VPS33B: variants seen among roughly 807,000 people sequenced by gnomAD.
The protein encoded by VPS33B is vacuolar protein sorting-associated protein 33B.
In VPS33B, 80 loss-of-function variants were observed where a neutral mutation model predicts 95.3. That is an observed-to-expected ratio of 0.84 (90% CI 0.70 to 1.01). The LOEUF is 1.01. Among genes scored for constraint, VPS33B ranks in the 50% least tolerant of loss-of-function variants. The probability of loss-of-function intolerance (pLI) is 0.00; values close to 1 mark genes in which losing one functional copy is unlikely to be tolerated. For missense variants in VPS33B, 715 were observed against 773.4 expected (o/e 0.92, Z 0.90); for synonymous variants, 280 against 280.4 (o/e 1.00, Z 0.01).
At chr15:91,008,636 C>T (rs954948556) in intron 6 of VPS33B, among the ~76,000 whole-genome samples, 5 of 152,184 alleles carry the variant, frequency 3.3e-5, no homozygotes, top group Non-Finnish European at 5.9e-5. Flanking sequence ...ACCAGAGATA[C>T]AGCAGTGAGC....
rs1189384529 is a variant in VPS33B, at chr15:91,011,236, AAT to A, written c.358-1392_358-1391del. ...AATGCTGAGGGCACTCACATCTGAT[AAT>A]GAGTTGACATTATTAACAGCTAATG... On this transcript the variant is annotated intron_variant, in intron 5 of 22. Coordinates refer to ENST00000333371, the MANE Select transcript of VPS33B (RefSeq NM_018668.5). This position sits in a 1 kb window ranked among gnomAD's most constrained non-coding sequence, Gnocchi z 5.5. Among the ~76,000 whole-genome samples, 8 of 152,236 alleles carry A rather than the reference AAT, an allele frequency of 5.3e-5. No homozygotes were observed. Among genetic ancestry groups the A allele is most frequent in the Non-Finnish European group, 1.2e-4 (8 of 68,044 alleles).
rs1309704623 is a variant in VPS33B at position 91,013,259 on chromosome 15, C to T, written c.357+545G>A. 6.6e-6 allele frequency among the ~76,000 whole-genome samples: 1 copy of T among 152,200 alleles called. No homozygotes were observed. Among genetic ancestry groups the T allele is most frequent in the Non-Finnish European group, 1.5e-5 (1 of 68,040 alleles). On this transcript the variant is annotated intron_variant, in intron 5 of 22. Transcript: ENST00000333371. The surrounding 1 kb of genome is among the most constrained non-coding windows in gnomAD (Gnocchi z 4.5). ...ATTTGGGACAGTATGATGACAGACCCTCTGCTAAACAAATGAGGATATGTT... is the reference window on the plus strand; with the variant it reads ...ATTTGGGACAGTATGATGACAGACCTTCTGCTAAACAAATGAGGATATGTT...
Position 91,006,989 on chromosome 15 carries a change from G to A in VPS33B, c.661C>T (p.Arg221Ter), listed in dbSNP as rs1596357951. ...EEEEDGETKG[R>*]RPEIGHIFLL... ...AAGATATGTCCAATCTCTGGCCTTC[G>A]GCCCTTGGTTTCGCCATCCTCCTCC... Residue 221 changes from arginine (R) to a stop codon, truncating the protein, a stop_gained, in exon 9 of 23, where the codon CGA becomes TGA. Transcript: ENST00000333371. LOFTEE classifies it high-confidence loss of function. This position sits in a 1 kb window ranked among gnomAD's most constrained non-coding sequence, Gnocchi z 5.4. 1 of 1,613,864 alleles carries A rather than the reference G, an allele frequency of 6.2e-7. No individual in the cohort carries two copies. The highest frequency in any genetic ancestry group is 8.5e-7 in the Non-Finnish European group (1 of 1,179,996).
In VPS33B at chr15:91,022,469, C is replaced by A. The variant is rs1366786439; in HGVS notation, c.-220G>T. On this transcript the variant is annotated 5_prime_UTR_variant, in exon 1 of 23. Coordinates refer to ENST00000333371, the MANE Select transcript of VPS33B (RefSeq NM_018668.5). ...GAGCAGCCTTGTCTCAGACCTGCAG[C>A]CACCGTGTCTCGACCCTCCCTCCCT... The A allele has an allele frequency of 8.2e-6, 4 of 488,520 alleles. No homozygotes were observed. The highest frequency in any genetic ancestry group is 1.5e-5 in the Non-Finnish European group (4 of 271,518). 30.3% of individuals were successfully genotyped at this position (488,520 alleles called of 1,614,324 possible).
Position 91,009,826 on chromosome 15 carries a change from C to A in VPS33B, c.378G>T (p.Val126=). The A allele has an allele frequency of 6.2e-7, 1 of 1,614,190 alleles. No homozygotes were observed. Among genetic ancestry groups the A allele is most frequent in the Non-Finnish European group, 8.5e-7 (1 of 1,180,022 alleles). The change falls in exon 6 of 23, where the codon GTG becomes GTT. Residue 126 remains valine (V), a synonymous_variant. Coordinates refer to ENST00000333371, the MANE Select transcript of VPS33B (RefSeq NM_018668.5). The surrounding 1 kb of genome is among the most constrained non-coding windows in gnomAD (Gnocchi z 4.1). The stretch of plus-strand genomic sequence containing the variant: ...CTCCATAGATTCCCTCTTCCTCAAG[C>A]ACCATCTCACACGCATAGAACTGAA... ...SPQKFYACEM[V]LEEEGIYGDV...
Position 91,000,057 on chromosome 15 carries a change from C to G in VPS33B, c.1582-82G>C. ...GAAGGGCACAGCAGCCAGACTGTCA[C>G]ATTTCTTGCTCATTACTCAAGTAGC... is the stretch of plus-strand genomic sequence containing the variant. On this transcript the variant is annotated intron_variant, in intron 20 of 22. Coordinates refer to ENST00000333371, the MANE Select transcript of VPS33B (RefSeq NM_018668.5). The surrounding 1 kb of genome is among the most constrained non-coding windows in gnomAD (Gnocchi z 4.9). 2 of 1,546,650 alleles carry G rather than the reference C, an allele frequency of 1.3e-6. No individual in the cohort carries two copies. Among genetic ancestry groups the G allele is most frequent in the East Asian group, 2.3e-5 (1 of 43,256 alleles).
In VPS33B at chr15:91,005,342, A is replaced by G. The variant is rs1258224910; in HGVS notation, c.1105+38T>C. ...ACGGGGCTGGGAGCTGGGGAAGTAG[A>G]AGCGTGGGCAGTAGCACAGCAAGGC... On this transcript the variant is annotated intron_variant, in intron 14 of 22. Transcript: ENST00000333371. This position sits in a 1 kb window ranked among gnomAD's most constrained non-coding sequence, Gnocchi z 6.4. The G allele has an allele frequency of 5.0e-6, 8 of 1,614,006 alleles. No homozygotes were observed. In the African/African-American group the frequency reaches 1.1e-4, roughly 22 times the overall value.
Position 91,007,969 on chromosome 15 carries a change from G to A in VPS33B, c.404-5C>T, listed in dbSNP as rs2040663490. On this transcript the variant is annotated splice_region_variant and splice_polypyrimidine_tract_variant and intron_variant, in intron 6 of 22. Coordinates refer to ENST00000333371, the MANE Select transcript of VPS33B (RefSeq NM_018668.5). The surrounding 1 kb of genome is among the most constrained non-coding windows in gnomAD (Gnocchi z 5.3). ...CCCATTCATCACAGCTCACATCTGTGGGGACAGAGAGCATCAGCCTCCCTG... is the reference window on the plus strand; with the variant it reads ...CCCATTCATCACAGCTCACATCTGTAGGGACAGAGAGCATCAGCCTCCCTG... 6.2e-7 allele frequency: 1 copy of A among 1,614,062 alleles called. No individual in the cohort carries two copies. Among genetic ancestry groups the A allele is most frequent in the East Asian group, 2.2e-5 (1 of 44,878 alleles).
chr15:91,001,053 T>G, intron 19 of VPS33B: 1 of 368,058 alleles, frequency 2.7e-6, no homozygotes, highest in Non-Finnish European at 5.2e-6. Flanking sequence ...CAGTGGCTCA[T>G]GCCTGTAATC....
chr15:91,005,019 G>A lies in VPS33B; in HGVS notation c.1170+36C>T. 6.2e-7 allele frequency: 1 copy of A among 1,614,186 alleles called. No homozygotes were observed. Among genetic ancestry groups the A allele is most frequent in the Non-Finnish European group, 8.5e-7 (1 of 1,180,046 alleles). On this transcript the variant is annotated intron_variant, in intron 15 of 22. Coordinates refer to ENST00000333371, the MANE Select transcript of VPS33B (RefSeq NM_018668.5). This position sits in a 1 kb window ranked among gnomAD's most constrained non-coding sequence, Gnocchi z 6.4. ...CTTAAGGCCGACCCCACCTCTAAAT[G>A]CCATTCTTGGCACCCCCAGCCCTCC...
chr15:91,011,151 G>A lies in VPS33B; in HGVS notation c.358-1305C>T, dbSNP rs1050018483. Among the ~76,000 whole-genome samples the A allele has an allele frequency of 3.3e-5, 5 of 152,326 alleles. No individual in the cohort carries two copies. Among genetic ancestry groups the A allele is most frequent in the Admixed American group, 2.6e-4 (4 of 15,296 alleles). Reference sequence around the variant, plus strand: ...CTCATCTTAGGAGGGAAAAGGCCACGATCTCTTCCTCCTTTGAGGTAAGTG... The same window carrying A: ...CTCATCTTAGGAGGGAAAAGGCCACAATCTCTTCCTCCTTTGAGGTAAGTG... On this transcript the variant is annotated intron_variant, in intron 5 of 22. Coordinates refer to ENST00000333371, the MANE Select transcript of VPS33B (RefSeq NM_018668.5). The surrounding 1 kb of genome is among the most constrained non-coding windows in gnomAD (Gnocchi z 5.5).
Position 91,018,688 on chromosome 15 carries a change from G to A in VPS33B, c.97-803C>T, listed in dbSNP as rs1567230458. ...TTTTACTGGCATCTTGTGGGTAGAG[G>A]CCAGGGGTGCTGCTAGACATCCAAC... On this transcript the variant is annotated intron_variant, in intron 1 of 22. Coordinates refer to ENST00000333371, the MANE Select transcript of VPS33B (RefSeq NM_018668.5). This position sits in a 1 kb window ranked among gnomAD's most constrained non-coding sequence, Gnocchi z 4.7. 2.6e-5 allele frequency among the ~76,000 whole-genome samples: 4 copies of A among 152,268 alleles called. No individual in the cohort carries two copies. Among genetic ancestry groups the A allele is most frequent in the Admixed American group, 2.0e-4 (3 of 15,290 alleles).
chr15:91,000,955 A>G lies in VPS33B; in HGVS notation c.1480-364T>C, dbSNP rs16945157. On this transcript the variant is annotated intron_variant, in intron 19 of 22. Transcript: ENST00000333371. This position sits in a 1 kb window ranked among gnomAD's most constrained non-coding sequence, Gnocchi z 4.9. ...ATTAAATGAATGAATCTACCATGCT[A>G]TAAGACTACCAAACAAAAGAATCTT... The G allele has an allele frequency of 0.096, 34,993 of 365,400 alleles. 1,938 individuals carry two copies. Among genetic ancestry groups the G allele is most frequent in the African/African-American group, 0.14 (6,851 of 47,658 alleles). The allele number at this position is 365,400 out of a possible 1,614,324, so 22.6% of individuals were successfully genotyped here. A position where few individuals can be genotyped will look rare whatever the true frequency, so the allele number is the denominator to read the frequency against.
chr15:91,010,431 T>C lies in VPS33B; in HGVS notation c.358-585A>G, dbSNP rs532449544. Among the ~76,000 whole-genome samples the C allele has an allele frequency of 6.6e-6, 1 of 152,174 alleles. No individual in the cohort carries two copies. Among genetic ancestry groups the C allele is most frequent in the East Asian group, 1.9e-4 (1 of 5,182 alleles). ...GTCTGGGCAACATAGTGACACCCCA[T>C]CTCTACAAAACAATGCAAAAATTAG... On this transcript the variant is annotated intron_variant, in intron 5 of 22. Coordinates refer to ENST00000333371, the MANE Select transcript of VPS33B (RefSeq NM_018668.5). This position sits in a 1 kb window ranked among gnomAD's most constrained non-coding sequence, Gnocchi z 5.7.
Position 90,999,609 on chromosome 15 carries a change from G to T in VPS33B, c.1774+68C>A. On this transcript the variant is annotated intron_variant, in intron 22 of 22. Transcript: ENST00000333371. This position sits in a 1 kb window ranked among gnomAD's most constrained non-coding sequence, Gnocchi z 5.1. ...GCTGAGATTACAGGTATGAACCACC[G>T]TGCCCAGCTGACACTTTGTTACCCA... is the stretch of plus-strand genomic sequence containing the variant. 1 of 1,532,850 alleles carries T rather than the reference G, an allele frequency of 6.5e-7. No homozygotes were observed. Among genetic ancestry groups the T allele is most frequent in the Non-Finnish European group, 9.0e-7 (1 of 1,108,868 alleles). The allele number at this position is 1,532,850 out of a possible 1,614,324, so 95.0% of individuals were successfully genotyped here.
rs2040704557 is a variant in VPS33B at position 91,009,226 on chromosome 15, G to A, written c.403+575C>T. The stretch of plus-strand genomic sequence containing the variant: ...GTTCCTTTCATACTACCCCAGGAGT[G>A]TTCTTTTCTTATCCTTTCTTTTCCC... On this transcript the variant is annotated intron_variant, in intron 6 of 22. Coordinates refer to ENST00000333371, the MANE Select transcript of VPS33B (RefSeq NM_018668.5). This position sits in a 1 kb window ranked among gnomAD's most constrained non-coding sequence, Gnocchi z 4.1. 6.6e-6 allele frequency among the ~76,000 whole-genome samples: 1 copy of A among 151,996 alleles called. No individual in the cohort carries two copies. The highest frequency in any genetic ancestry group is 1.5e-5 in the Non-Finnish European group (1 of 67,954).
chr15:91,014,007 C>G, intron 4 of VPS33B, 136 bp from the exon 5 acceptor site: 1 of 1,046,670 alleles, frequency 9.6e-7, no homozygotes, highest in Non-Finnish European at 1.5e-6. Flanking sequence ...CACCTGAGGT[C>G]AGGAGTTTGC....
At position 91,002,274 on chromosome 15, in the gene VPS33B, C is replaced by T; in HGVS notation, c.1273-92G>A. On this transcript the variant is annotated intron_variant, in intron 17 of 22. Transcript: ENST00000333371. The surrounding 1 kb of genome is among the most constrained non-coding windows in gnomAD (Gnocchi z 4.7). Reference sequence around the variant, plus strand: ...AGAGTTGAGCAGAAGGACTATGAAGCCTCTGCTGCAGTGTGAAGGAGCTCA... The same window carrying T: ...AGAGTTGAGCAGAAGGACTATGAAGTCTCTGCTGCAGTGTGAAGGAGCTCA... 6 of 1,553,460 alleles carry T rather than the reference C, an allele frequency of 3.9e-6. No homozygotes were observed. Among genetic ancestry groups the T allele is most frequent in the Non-Finnish European group, 5.3e-6 (6 of 1,138,834 alleles).
At chr15:91,001,980 C>T (rs1478087300) in intron 18 of VPS33B, 70 bp downstream of exon 18, 11 of 1,610,264 alleles carry the variant, frequency 6.8e-6, no homozygotes, top group Non-Finnish European at 9.3e-6. Context: ...TCTGTCCCTC[C>T]CAGCATGCTG....
Sources: gnomAD v4.1 joint callset for allele counts (sites outside exome capture counted in the v4.1 genomes callset) on GRCh38, gnomAD v4.1.1 for gene constraint, Gnocchi (gnomAD v3.1) non-coding constraint, MANE v1.5 for transcripts, NCBI Gene and HGNC (gene_info 2026-07-23, HGNC 2026-07-21) for gene names.